Variants in ADAMTS9 observed in about 807,000 individuals in gnomAD.
ADAMTS9 encodes the protein A disintegrin and metalloproteinase with thrombospondin motifs 9.
Under a neutral mutation model 257.1 loss-of-function variants are expected in ADAMTS9, and 107 were observed. That is an observed-to-expected ratio of 0.42 (90% CI 0.36 to 0.49). The LOEUF is 0.49. ADAMTS9 is among the 20% of genes least tolerant of loss of function. The pLI, the probability that ADAMTS9 is intolerant of heterozygous loss-of-function variation, is 0.03. For missense variants in ADAMTS9, 2,353 were observed against 2,469.1 expected (o/e 0.95, Z 1.00); for synonymous variants, 982 against 880.9 (o/e 1.11, Z -2.03).
intron 29 of ADAMTS9, among the ~76,000 whole-genome samples, chr3:64,562,282 C>T (rs979531552): frequency 9.2e-5 from 14 of 152,040 alleles, no homozygotes; most frequent in African/African-American, 2.9e-4. Context: ...GGAGATAAGG[C>T]GATATTTTTT....
In ADAMTS9 at chr3:64,687,101, T is replaced by C. The variant is rs1428964306; in HGVS notation, c.116-133A>G. On this transcript the variant is annotated intron_variant, in intron 1 of 39. Coordinates refer to ENST00000498707, the MANE Select transcript of ADAMTS9 (RefSeq NM_182920.2). This position sits in a 1 kb window ranked among gnomAD's most constrained non-coding sequence, Gnocchi z 4.4. ...AGTCAATCCCTTCACCCTTAATCAG[T>C]GGACAAATATTTGCTGAGCACCTAC... The C allele has an allele frequency of 2.5e-5, 27 of 1,093,502 alleles. No individual in the cohort carries two copies. The highest frequency in any genetic ancestry group is 3.2e-5 in the Non-Finnish European group (25 of 775,196). The allele number at this position is 1,093,502 out of a possible 1,614,324, so 67.7% of individuals were successfully genotyped here. A position where few individuals can be genotyped will look rare whatever the true frequency, so the allele number is the denominator to read the frequency against.
intron 12 of ADAMTS9, among the ~76,000 whole-genome samples, chr3:64,637,153 T>C (rs1180140067): frequency 6.6e-6 from 1 of 152,214 alleles, no homozygotes; most frequent in East Asian, 1.9e-4. Context: ...ACTACATATG[T>C]TTCCTCTCTC....
At chr3:64,558,843 T>C (rs1314394774) in intron 30 of ADAMTS9, among the ~76,000 whole-genome samples, 1 of 152,104 alleles carries the variant, frequency 6.6e-6, no homozygotes, top group African/African-American at 2.4e-5. Context: ...CTCCTGCACA[T>C]CCCATTCAGT....
chr3:64,600,051 C>CTTTTTTTTTTTTT (rs35753372), intron 26 of ADAMTS9, among the ~76,000 whole-genome samples: 22 of 104,164 alleles, frequency 2.1e-4, no homozygotes, highest in East Asian at 1.2e-3. Flanking sequence ...AGTTTCTGTT[C>CTTTTTTTTTTTTT]TTTTTTTTTT....
intron 19 of ADAMTS9, among the ~76,000 whole-genome samples, chr3:64,616,567 T>G (rs1321895366): frequency 6.6e-6 from 1 of 152,186 alleles, no homozygotes; most frequent in Non-Finnish European, 1.5e-5. Flanking sequence ...ATTATACACT[T>G]TAAAATTAGA....
At chr3:64,660,871 C>T (rs192154648) in intron 3 of ADAMTS9, among the ~76,000 whole-genome samples, 141 of 152,262 alleles carry the variant, frequency 9.3e-4, no homozygotes, top group Admixed American at 1.8e-3. Context: ...AAGAACAAAT[C>T]TTCCCTCTGT....
Position 64,574,721 on chromosome 3 carries a change from ACACACACACACCGCCCCCCTCCC to A in ADAMTS9, c.4357-6209_4357-6187del, listed in dbSNP as rs908170101. On this transcript the variant is annotated intron_variant, in intron 28 of 39. Coordinates refer to ENST00000498707, the MANE Select transcript of ADAMTS9 (RefSeq NM_182920.2). ...ACTCCAGCCTGGTTGACAGGGCAAG[ACACACACACACCGCCCCCCTCCC>A]CACACACACACCCCAACCACTTTAA... Among the ~76,000 whole-genome samples, 5 of 27,172 alleles carry A rather than the reference ACACACACACACCGCCCCCCTCCC, an allele frequency of 1.8e-4. No homozygotes were observed. The African/African-American group carries it at 7.2e-3, about 39-fold the overall frequency. The allele number at this position is 27,172 out of a possible 152,430, so 17.8% of individuals were successfully genotyped here.
intron 28 of ADAMTS9, among the ~76,000 whole-genome samples, chr3:64,574,734 GC>G: frequency 8.2e-6 from 1 of 121,928 alleles, no homozygotes; most frequent in East Asian, 2.7e-4. Flanking sequence ...CACACACACC[GC>G]CCCCCTCCCC....
intron 22 of ADAMTS9, among the ~76,000 whole-genome samples, chr3:64,609,557 T>C (rs377281073): frequency 9.9e-5 from 15 of 152,014 alleles, no homozygotes; most frequent in Middle Eastern, 3.4e-3. Context: ...ATGAAATACC[T>C]AGGAACAAGC....
At position 64,598,317 on chromosome 3, in the gene ADAMTS9, C is replaced by T. The variant is rs1288036441; in HGVS notation, c.4018-1326G>A. 3.6e-5 allele frequency among the ~76,000 whole-genome samples: 5 copies of T among 139,768 alleles called. No individual in the cohort carries two copies. The East Asian group carries it at 8.0e-4, about 22-fold the overall frequency. The allele number at this position is 139,768 out of a possible 152,430, so 91.7% of individuals were successfully genotyped here. On this transcript the variant is annotated intron_variant, in intron 26 of 39. Coordinates refer to ENST00000498707, the MANE Select transcript of ADAMTS9 (RefSeq NM_182920.2). Reference sequence around the variant, plus strand: ...CTCTAAATCTCAAAATATTCATTTCCTATTTTTTTTTTTTTTTTGAGGTGG... The same window carrying T: ...CTCTAAATCTCAAAATATTCATTTCTTATTTTTTTTTTTTTTTTGAGGTGG...
At chr3:64,639,867 A>G (rs1700595986) in intron 12 of ADAMTS9, among the ~76,000 whole-genome samples, 1 of 152,202 alleles carries the variant, frequency 6.6e-6, no homozygotes, top group African/African-American at 2.4e-5. Context: ...ATTTTATATT[A>G]TGTGGTACTT....
chr3:64,603,855 C>T (rs752294258), intron 25 of ADAMTS9, 67 bp downstream of exon 25: 88 of 1,546,918 alleles, frequency 5.7e-5, no homozygotes, highest in Middle Eastern at 3.5e-4. Flanking sequence ...CGCCCCCCTC[C>T]GCTGACTCCT....
At chr3:64,654,777 G>C (rs1701021389) in intron 6 of ADAMTS9, 165 bp from the exon 7 acceptor site, 1 of 671,532 alleles carries the variant, frequency 1.5e-6, no homozygotes, top group Non-Finnish European at 2.5e-6. Context: ...AAAATTTTTG[G>C]AATTGTTGAT....
At chr3:64,672,330 C>T (rs1302945471) in intron 3 of ADAMTS9, among the ~76,000 whole-genome samples, 3 of 152,200 alleles carry the variant, frequency 2.0e-5, no homozygotes, top group African/African-American at 7.2e-5. Flanking sequence ...CCTGAGATGG[C>T]ACAGAAGGTG....
chr3:64,654,598 C>A lies in ADAMTS9; in HGVS notation c.1184G>T (p.Arg395Ile). 1 of 1,614,122 alleles carries A rather than the reference C, an allele frequency of 6.2e-7. No individual in the cohort carries two copies. The highest frequency in any genetic ancestry group is 8.5e-7 in the Non-Finnish European group (1 of 1,180,014). The change falls in exon 7 of 40, where the codon AGA (arginine) becomes ATA (isoleucine). Residue 395 changes from arginine (R) to isoleucine (I), a missense_variant. Around this residue, in one of 3 missense-constraint regions of ADAMTS9, gnomAD observed 591 missense variants for 569.6 expected, o/e 1.04. Coordinates refer to ENST00000498707, the MANE Select transcript of ADAMTS9 (RefSeq NM_182920.2). ...AVLLTRQDIC[R>I]AHDKCDTLGL... ...TAAGGTATCACATTTGTCGTGAGCT[C>A]TGCAGATATCCTGTCTGAAAGCAAA...
At position 64,541,239 on chromosome 3, in the gene ADAMTS9, C is replaced by T; in HGVS notation, c.5388-11G>A. ...GTTGGGTTGTGTAACCTAAATTATA[C>T]AGAGAATGTTCTGGTAAGGATGGGA... is the stretch of plus-strand genomic sequence containing the variant. On this transcript the variant is annotated splice_polypyrimidine_tract_variant and intron_variant, in intron 35 of 39. Transcript: ENST00000498707. The T allele has an allele frequency of 6.2e-7, 1 of 1,614,168 alleles. No homozygotes were observed. Among genetic ancestry groups the T allele is most frequent in the Non-Finnish European group, 8.5e-7 (1 of 1,180,002 alleles).
chr3:64,601,892 T>C lies in ADAMTS9; in HGVS notation c.4017+52A>G, dbSNP rs115069199. 2.4e-4 allele frequency: 375 copies of C among 1,538,804 alleles called. 2 individuals are homozygous for C. In the African/African-American group the frequency reaches 4.6e-3, roughly 19 times the overall value. Reference sequence around the variant, plus strand: ...AAGGTGTTTCTAGTCTCTTTTACCCTAAACCCAACCTCAAGTGAAAGAGAA... The same window carrying C: ...AAGGTGTTTCTAGTCTCTTTTACCCCAAACCCAACCTCAAGTGAAAGAGAA... On this transcript the variant is annotated intron_variant, in intron 26 of 39. Coordinates refer to ENST00000498707, the MANE Select transcript of ADAMTS9 (RefSeq NM_182920.2).
intron 28 of ADAMTS9, among the ~76,000 whole-genome samples, chr3:64,579,208 T>C (rs2083931602): frequency 2.0e-5 from 3 of 152,192 alleles, no homozygotes; most frequent in Admixed American, 2.0e-4. Context: ...CACATTAGTC[T>C]CTTTGGTATC....
intron 22 of ADAMTS9, among the ~76,000 whole-genome samples, chr3:64,609,297 A>G (rs2084623079): frequency 6.6e-6 from 1 of 152,184 alleles, no homozygotes; most frequent in African/African-American, 2.4e-5. Flanking sequence ...AAAAAGAAAT[A>G]TTAATAAAAG....
Sources: allele counts gnomAD v4.1 joint callset (sites outside exome capture counted in the v4.1 genomes callset), GRCh38; gene constraint gnomAD v4.1.1; regional missense constraint gnomAD v4.1.1; non-coding constraint Gnocchi (gnomAD v3.1); transcripts MANE v1.5; gene names NCBI Gene and HGNC (gene_info 2026-07-23, HGNC 2026-07-21).